The following MLX variants were observed in gnomAD, a reference collection of about 807,000 sequenced individuals.
MLX encodes MAX dimerization protein MLX.
A neutral mutation model predicts 33.0 loss-of-function variants in MLX; 15 were observed. That is an observed-to-expected ratio of 0.45 (90% CI 0.30 to 0.70). The LOEUF (loss-of-function observed/expected upper bound fraction) is 0.70, where lower values mean the gene tolerates loss of function less well. MLX is among the 30% of genes least tolerant of loss of function. The pLI is 0.07. For missense variants in MLX, 285 were observed against 306.3 expected, an observed-to-expected ratio of 0.93 and a Z score of 0.52; for synonymous variants, 115 against 115.6, an observed-to-expected ratio of 0.99 and a Z score of 0.03.
At chr17:42,567,424 G>A in intron 1 of MLX, 195 bp from the exon 2 acceptor site, 1 of 1,366,636 alleles carries the variant, frequency 7.3e-7, no homozygotes. Flanking sequence ...GGAGGCACTC[G>A]CACGCCCTAG....
In MLX at chr17:42,570,171, C is replaced by G. The variant is rs768975531; in HGVS notation, c.666C>G (p.His222Gln). 6.2e-7 allele frequency: 1 copy of G among 1,613,800 alleles called. No homozygotes were observed. Among genetic ancestry groups the G allele is most frequent in the East Asian group, 2.2e-5 (1 of 44,882 alleles). ...GTGTCTTCAGCTGGATCGAGGAGCA[C>G]TGTAAGCCTCAGGTATGGGGCAACA... is the stretch of plus-strand genomic sequence containing the variant. ...SACVFSWIEE[H>Q]CKPQTLREIV... The change falls in exon 7 of 8, where the codon CAC (histidine) becomes CAG (glutamine). Residue 222 changes from histidine (H) to glutamine (Q), a missense_variant. By Grantham distance (24) the His-to-Gln change is conservative. Transcript: ENST00000435881.
Position 42,569,290 on chromosome 17 carries a change from C to T in MLX, c.363C>T (p.Ile121=), listed in dbSNP as rs1567908875. ...SIGSQKLSKA[I]VLQKTIDYIQ... ...GCTCCCAAAAGCTCAGCAAAGCCAT[C>T]GTTCTACAAAAGAGTATGGCTAGGG... The change falls in exon 5 of 8, where the codon ATC becomes ATT. Residue 121 remains isoleucine (I), a synonymous_variant. Coordinates refer to ENST00000435881, the MANE Select transcript of MLX (RefSeq NM_198204.2). 2.5e-6 allele frequency: 4 copies of T among 1,613,778 alleles called. No homozygotes were observed. The highest frequency in any genetic ancestry group is 2.7e-5 in the African/African-American group (2 of 74,896).
At position 42,569,615 on chromosome 17, in the gene MLX, G is replaced by T. The variant is rs1262296133; in HGVS notation, c.476+9G>T. ...CTAAAGATCATGAAAGTGTAAGAGG[G>T]GTGCTGAATGGGGGGAACCAGAACT... On this transcript the variant is annotated intron_variant, in intron 6 of 7. Transcript: ENST00000435881. The T allele has an allele frequency of 1.9e-6, 3 of 1,607,750 alleles. No homozygotes were observed. Among genetic ancestry groups the T allele is most frequent in the Non-Finnish European group, 2.6e-6 (3 of 1,174,532 alleles).
chr17:42,568,236 G>A (rs1357780400), intron 2 of MLX: 5 of 237,536 alleles, frequency 2.1e-5, no homozygotes, highest in Non-Finnish European at 4.2e-5. Context: ...GGTGGCGGGC[G>A]CCTGTAGTCC....
At chr17:42,568,232 G>C (rs1394743336) in intron 2 of MLX, 2 of 233,186 alleles carry the variant, frequency 8.6e-6, no homozygotes, top group Non-Finnish European at 1.7e-5. Flanking sequence ...GCGTGGTGGC[G>C]GGCGCCTGTA....
Position 42,570,155 on chromosome 17 carries a change from G to C in MLX, c.650G>C (p.Ser217Thr). 1 of 1,613,954 alleles carries C rather than the reference G, an allele frequency of 6.2e-7. No individual in the cohort carries two copies. The highest frequency in any genetic ancestry group is 8.5e-7 in the Non-Finnish European group (1 of 1,180,036). Residue 217 changes from serine to threonine, a missense_variant, in exon 7 of 8, where the codon AGC becomes ACC. Transcript: ENST00000435881. ...CAGGAGCTGTCAGCGTGTGTCTTCA[G>C]CTGGATCGAGGAGCACTGTAAGCCT... ...SFQELSACVFSWIEEHCKPQT... is the reference protein window; with the variant it reads ...SFQELSACVFTWIEEHCKPQT...
At chr17:42,570,234 A>C in intron 7 of MLX, 51 bp downstream of exon 7, 1 of 1,574,050 alleles carries the variant, frequency 6.4e-7, no homozygotes, top group Non-Finnish European at 8.7e-7. Flanking sequence ...ACCATCAAGC[A>C]AAGTGGCCCA....
intron 7 of MLX, among the ~76,000 whole-genome samples, chr17:42,571,138 C>CT (rs928314305): frequency 0.013 from 1,658 of 130,364 alleles, 51 homozygotes; most frequent in East Asian, 0.099. Context: ...TTCCTGGGGG[C>CT]TTTTTTTTTT....
rs28684758 is a variant in MLX at position 42,570,197 on chromosome 17, A to G, written c.678+14A>G. The G allele has an allele frequency of 1.7e-3, 2,728 of 1,612,838 alleles. 61 individuals are homozygous for G. The African/African-American group carries it at 0.032, about 19-fold the overall frequency. On this transcript the variant is annotated intron_variant, in intron 7 of 7. Coordinates refer to ENST00000435881, the MANE Select transcript of MLX (RefSeq NM_198204.2). ...TGTAAGCCTCAGGTATGGGGCAACA[A>G]TAGGCACAGGGTCTGCGGTTTTCTC...
At chr17:42,567,698 C>T in intron 2 of MLX, 43 bp downstream of exon 2, 1 of 1,613,406 alleles carries the variant, frequency 6.2e-7, no homozygotes, top group East Asian at 2.2e-5. Flanking sequence ...GACACTCCCG[C>T]CCAGGCTCTC....
chr17:42,568,611 G>GT, intron 3 of MLX, 52 bp downstream of exon 3: 1 of 1,532,254 alleles, frequency 6.5e-7, no homozygotes, highest in Non-Finnish European at 9.0e-7. Context: ...TGTCATAATT[G>GT]TAGTACCTTT....
At chr17:42,568,771 A>G (rs996563713) in intron 3 of MLX, 66 bp from the exon 4 acceptor site, 55 of 1,391,960 alleles carry the variant, frequency 4.0e-5, no homozygotes, top group African/African-American at 7.1e-5. Context: ...AGCTGGGGAA[A>G]GGTGGGCTAG....
At position 42,568,558 on chromosome 17, in the gene MLX, A is replaced by C; in HGVS notation, c.168A>C (p.Thr56=). Residue 56 remains threonine (T), a splice_region_variant and synonymous_variant, in exon 3 of 8, where the codon ACA becomes ACC. Coordinates refer to ENST00000435881, the MANE Select transcript of MLX (RefSeq NM_198204.2). ...GSTSASSVPN[T]DDEDSDYHQE... ...CCAGTGCCTCTTCTGTCCCCAACACAGGTAGGCAGTAACATCCCCCCCGAC... is the reference window on the plus strand; with the variant it reads ...CCAGTGCCTCTTCTGTCCCCAACACCGGTAGGCAGTAACATCCCCCCCGAC... 6.2e-7 allele frequency: 1 copy of C among 1,612,326 alleles called. No homozygotes were observed. Among genetic ancestry groups the C allele is most frequent in the Non-Finnish European group, 8.5e-7 (1 of 1,178,612 alleles).
At chr17:42,567,523 C>T in intron 1 of MLX, 96 bp from the exon 2 acceptor site, 10 of 1,590,072 alleles carry the variant, frequency 6.3e-6, no homozygotes, top group Non-Finnish European at 8.6e-6. Context: ...GGCGCCTTCC[C>T]GGAATGGGGG....
intron 2 of MLX, 42 bp downstream of exon 2, chr17:42,567,697 G>A (rs770270872): frequency 6.2e-7 from 1 of 1,613,532 alleles, no homozygotes; most frequent in South Asian, 1.1e-5. Context: ...GGACACTCCC[G>A]CCCAGGCTCT....
At chr17:42,567,303 A>T (rs955652468) in intron 1 of MLX, 137 bp downstream of exon 1, 4 of 1,381,930 alleles carry the variant, frequency 2.9e-6, no homozygotes, top group African/African-American at 1.5e-5. Flanking sequence ...TGCAGAGAAG[A>T]CAGCTCTCAC....
At position 42,571,715 on chromosome 17, in the gene MLX, G is replaced by C. The variant is rs2093033858; in HGVS notation, c.*112G>C. 5 of 1,020,050 alleles carry C rather than the reference G, an allele frequency of 4.9e-6. No homozygotes were observed. Among genetic ancestry groups the C allele is most frequent in the Non-Finnish European group, 7.7e-6 (5 of 647,982 alleles). 63.2% of individuals were successfully genotyped at this position (1,020,050 alleles called of 1,614,324 possible). A position where few individuals can be genotyped will look rare whatever the true frequency, so the allele number is the denominator to read the frequency against. ...CTACAACACCTCACACTGGTCAGCT[G>C]GTTTCTACTTGGTGTTTGGTTTTTC... On this transcript the variant is annotated 3_prime_UTR_variant, in exon 8 of 8. Coordinates refer to ENST00000435881, the MANE Select transcript of MLX (RefSeq NM_198204.2).
chr17:42,572,067 GAGTA>G lies in MLX; in HGVS notation c.*467_*470del, dbSNP rs2093035830. 3 of 260,176 alleles carry G rather than the reference GAGTA, an allele frequency of 1.2e-5. No individual in the cohort carries two copies. Among genetic ancestry groups the G allele is most frequent in the Non-Finnish European group, 1.5e-5 (2 of 131,556 alleles). The allele number at this position is 260,176 out of a possible 1,614,324, so 16.1% of individuals were successfully genotyped here. On this transcript the variant is annotated 3_prime_UTR_variant, in exon 8 of 8. Coordinates refer to ENST00000435881, the MANE Select transcript of MLX (RefSeq NM_198204.2). ...TGGCAGTAGCTGTATGGGAGAAAAA[GAGTA>G]AGAGGAAATATTCCCACAGCCATGA...
At chr17:42,568,038 G>C (rs971199678) in intron 2 of MLX, 49 of 281,682 alleles carry the variant, frequency 1.7e-4, no homozygotes, top group African/African-American at 1.0e-3. Context: ...GGTTGGCTTT[G>C]GGTTGAAGGG....
Sources: gnomAD v4.1 joint callset for allele counts (sites outside exome capture counted in the v4.1 genomes callset) on GRCh38, gnomAD v4.1.1 for gene constraint, MANE v1.5 for transcripts, NCBI Gene and HGNC (gene_info 2026-07-23, HGNC 2026-07-21) for gene names.